The following ITPKC variants were observed in gnomAD, a reference collection of about 807,000 sequenced individuals.
The protein encoded by ITPKC is IP3 3-kinase C.
A neutral mutation model predicts 67.1 loss-of-function variants in ITPKC; 33 were observed. That is an observed-to-expected ratio of 0.49 (90% CI 0.37 to 0.66). ITPKC has a LOEUF of 0.66. Ranked by LOEUF, ITPKC falls within the 30% of genes least tolerant of loss-of-function variation. The pLI, the probability that ITPKC is intolerant of heterozygous loss-of-function variation, is 0.00. For missense variants in ITPKC, 820 were observed against 892.1 expected (o/e 0.92, Z 1.03); for synonymous variants, 341 against 359.8 (o/e 0.95, Z 0.59).
At chr19:40,737,801 TG>T (rs775582671) in intron 6 of ITPKC, 32 bp downstream of exon 6, 1 of 1,572,860 alleles carries the variant, frequency 6.4e-7, no homozygotes, top group Non-Finnish European at 8.8e-7. Context: ...GGTGGATGTA[TG>T]GGTGTCGGGG....
intron 1 of ITPKC, among the ~76,000 whole-genome samples, chr19:40,720,583 A>G (rs967818675): frequency 2.0e-5 from 3 of 151,772 alleles, no homozygotes; most frequent in African/African-American, 7.3e-5. Context: ...TCATCCTTCC[A>G]GAATCTGCCT....
chr19:40,733,349 G>C lies in ITPKC; in HGVS notation c.1659G>C (p.Arg553=). 6.2e-7 allele frequency: 1 copy of C among 1,610,468 alleles called. No individual in the cohort carries two copies. Among genetic ancestry groups the C allele is most frequent in the Non-Finnish European group, 8.5e-7 (1 of 1,178,340 alleles). ...GCTCCACCTCTACCCTGGGCTTCCG[G>C]ATCGAGGGCATCAAGGTGAGGACCA... ...TMSSTSTLGF[R]IEGIKKADGT... Residue 553 remains arginine (R), a synonymous_variant, in exon 4 of 7, where the codon CGG becomes CGC. Coordinates refer to ENST00000263370, the MANE Select transcript of ITPKC (RefSeq NM_025194.3).
At position 40,733,328 on chromosome 19, in the gene ITPKC, C is replaced by T. The variant is rs1168051704; in HGVS notation, c.1638C>T (p.Ser546=). Residue 546 remains serine, a synonymous_variant, in exon 4 of 7, where the codon TCC becomes TCT. Coordinates refer to ENST00000263370, the MANE Select transcript of ITPKC (RefSeq NM_025194.3). ...TGCAGTGGAGGGAAACCATGAGCTC[C>T]ACCTCTACCCTGGGCTTCCGGATCG... The part of the protein sequence containing the change: ...RYMQWRETMS[S]TSTLGFRIEG... The T allele has an allele frequency of 1.9e-6, 3 of 1,613,108 alleles. No individual in the cohort carries two copies. The highest frequency in any genetic ancestry group is 2.7e-5 in the African/African-American group (2 of 74,902).
chr19:40,729,182 A>G lies in ITPKC; in HGVS notation c.1256-20A>G. 6.2e-7 allele frequency: 1 copy of G among 1,603,460 alleles called. No homozygotes were observed. Among genetic ancestry groups the G allele is most frequent in the Non-Finnish European group, 8.5e-7 (1 of 1,170,598 alleles). ...TCCTGATCCAGTTCCTGATCCTCTCATTTATTCTACCACCTTTAGGGAACT... is the reference window on the plus strand; with the variant it reads ...TCCTGATCCAGTTCCTGATCCTCTCGTTTATTCTACCACCTTTAGGGAACT... On this transcript the variant is annotated intron_variant, in intron 2 of 6. Transcript: ENST00000263370.
At chr19:40,725,464 G>A (rs1269132409) in intron 2 of ITPKC, 25 bp downstream of exon 2, 2 of 1,453,512 alleles carry the variant, frequency 1.4e-6, no homozygotes, top group South Asian at 2.3e-5. Flanking sequence ...GGTGGACAGA[G>A]CTGGGCAGAG....
Position 40,739,941 on chromosome 19 carries a change from C to T in ITPKC, c.*381C>T. ...CACATGAATCACTTCTAACCTGCCT[C>T]CCTGTCAGCCTCCAGGCTGCCAGCT... On this transcript the variant is annotated 3_prime_UTR_variant, in exon 7 of 7. Coordinates refer to ENST00000263370, the MANE Select transcript of ITPKC (RefSeq NM_025194.3). The T allele has an allele frequency of 5.0e-6, 1 of 199,330 alleles. No homozygotes were observed. The highest frequency in any genetic ancestry group is 1.0e-5 in the Non-Finnish European group (1 of 97,286). The allele number at this position is 199,330 out of a possible 1,614,324, so 12.3% of individuals were successfully genotyped here. A position where few individuals can be genotyped will look rare whatever the true frequency, so the allele number is the denominator to read the frequency against.
intron 1 of ITPKC, among the ~76,000 whole-genome samples, chr19:40,723,858 T>A (rs2082233936): frequency 6.6e-6 from 1 of 152,170 alleles, no homozygotes; most frequent in Non-Finnish European, 1.5e-5. Flanking sequence ...AGGTCAGGAT[T>A]TTCTGCAGTA....
intron 1 of ITPKC, 107 bp from the exon 2 acceptor site, chr19:40,725,233 G>T: frequency 7.2e-6 from 5 of 697,292 alleles, no homozygotes; most frequent in Non-Finnish European, 1.0e-5. Context: ...GAAGCCCCTG[G>T]CCCTGGAAAG....
At chr19:40,721,091 C>T (rs1261226353) in intron 1 of ITPKC, among the ~76,000 whole-genome samples, 1 of 151,836 alleles carries the variant, frequency 6.6e-6, no homozygotes, top group Non-Finnish European at 1.5e-5. Flanking sequence ...AAAAATCACT[C>T]CCTAAGCCCC....
Position 40,718,176 on chromosome 19 carries a change from C to A in ITPKC, c.1041C>A (p.Pro347=), listed in dbSNP as rs770608675. ...CTGAGGCCCAGCCAGTGGGACCCCC[C>A]TCCCGGGTTGAGGGGGGCAGCGGCG... The part of the protein sequence containing the change: ...PEPEAQPVGP[P]SRVEGGSGGF... Residue 347 remains proline, a synonymous_variant, in exon 1 of 7, where the codon CCC becomes CCA. Coordinates refer to ENST00000263370, the MANE Select transcript of ITPKC (RefSeq NM_025194.3). 6.3e-7 allele frequency: 1 copy of A among 1,589,230 alleles called. No individual in the cohort carries two copies.
Position 40,719,544 on chromosome 19 carries a change from C to T in ITPKC, c.1155+1254C>T, listed in dbSNP as rs547658944. 2.6e-5 allele frequency among the ~76,000 whole-genome samples: 4 copies of T among 151,564 alleles called. No homozygotes were observed. The South Asian group carries it at 8.3e-4, about 32-fold the overall frequency. On this transcript the variant is annotated intron_variant, in intron 1 of 6. Transcript: ENST00000263370. ...TCGCTCTGTTGCCCAGGCTGGAGTG[C>T]AGTGGTGCCATCTCGGCTCACTGCA...
chr19:40,722,339 G>A (rs2082226320), intron 1 of ITPKC, among the ~76,000 whole-genome samples: 1 of 151,982 alleles, frequency 6.6e-6, no homozygotes, highest in African/African-American at 2.4e-5. Context: ...AGTAGGTTGT[G>A]GCACACTGAG....
chr19:40,718,336 C>A, intron 1 of ITPKC, 46 bp downstream of exon 1: 1 of 1,483,904 alleles, frequency 6.7e-7, no homozygotes. Context: ...CGCAAAACTC[C>A]TTATTCCTCC....
chr19:40,739,315 A>G, intron 6 of ITPKC, 42 bp from the exon 7 acceptor site: 1 of 1,493,736 alleles, frequency 6.7e-7, no homozygotes. Flanking sequence ...GACCTTGGCC[A>G]GTGCCTGCTC....
chr19:40,739,831 A>T lies in ITPKC; in HGVS notation c.*271A>T. The T allele has an allele frequency of 1.9e-6, 1 of 515,032 alleles. No individual in the cohort carries two copies. The highest frequency in any genetic ancestry group is 3.5e-6 in the Non-Finnish European group (1 of 285,672). 31.9% of individuals were successfully genotyped at this position (515,032 alleles called of 1,614,324 possible). ...AGAAAAACCAGAACGGGGTCCCCGGATCTGCCGGGAAGGCTTCTGAGGGGC... is the reference window on the plus strand; with the variant it reads ...AGAAAAACCAGAACGGGGTCCCCGGTTCTGCCGGGAAGGCTTCTGAGGGGC... On this transcript the variant is annotated 3_prime_UTR_variant, in exon 7 of 7. Coordinates refer to ENST00000263370, the MANE Select transcript of ITPKC (RefSeq NM_025194.3).
chr19:40,730,014 C>T (rs1477987000), intron 3 of ITPKC, among the ~76,000 whole-genome samples: 1 of 152,058 alleles, frequency 6.6e-6, no homozygotes, highest in Non-Finnish European at 1.5e-5. Context: ...GATCTCGGCT[C>T]ACTGCAATCT....
chr19:40,735,512 G>T (rs562552975), intron 4 of ITPKC, among the ~76,000 whole-genome samples: 1 of 151,830 alleles, frequency 6.6e-6, no homozygotes, highest in African/African-American at 2.4e-5. Flanking sequence ...GGTCTCTTCC[G>T]TCTGTGCCCC....
At chr19:40,723,294 G>A (rs1034525411) in intron 1 of ITPKC, among the ~76,000 whole-genome samples, 2 of 152,032 alleles carry the variant, frequency 1.3e-5, no homozygotes, top group African/African-American at 2.4e-5. Flanking sequence ...ATGGGGTCTT[G>A]CTATATTGCC....
In ITPKC at chr19:40,717,548, C is replaced by T. The variant is rs1158570851; in HGVS notation, c.413C>T (p.Thr138Met). The change falls in exon 1 of 7, where the codon ACG becomes ATG. Residue 138 changes from threonine (T) to methionine (M), a missense_variant. By Grantham distance (81) the Thr-to-Met change is moderately conservative. Coordinates refer to ENST00000263370, the MANE Select transcript of ITPKC (RefSeq NM_025194.3). ...WSELETTCLW[T>M]ETGTDGLWTD... ...GAGCTGGAGACGACTTGTCTTTGGA[C>T]GGAGACCGGGACAGATGGCCTTTGG... 1.2e-6 allele frequency: 2 copies of T among 1,614,088 alleles called. No individual in the cohort carries two copies. Among genetic ancestry groups the T allele is most frequent in the Non-Finnish European group, 1.7e-6 (2 of 1,179,994 alleles).
Sources: allele counts gnomAD v4.1 joint callset (sites outside exome capture counted in the v4.1 genomes callset), GRCh38; gene constraint gnomAD v4.1.1; transcripts MANE v1.5; gene names NCBI Gene and HGNC (gene_info 2026-07-23, HGNC 2026-07-21).